The following CUX1 variants were observed in gnomAD, a reference collection of about 807,000 sequenced individuals.
CUX1 encodes the protein cut like homeobox 1, also known as protein CASP.
CUX1 carries 31 observed loss-of-function variants against 158.8 expected under a neutral mutation model. That is an observed-to-expected ratio of 0.20 (90% confidence interval 0.15 to 0.26). The LOEUF (loss-of-function observed/expected upper bound fraction) is 0.26. CUX1 is among the 10% of genes least tolerant of loss of function. CUX1 has a pLI of 1.00. For synonymous variants in CUX1, 879 were observed against 862.1 expected (o/e 1.02, Z -0.34); for missense variants, 1,589 against 2,014.6 (o/e 0.79, Z 4.04).
downstream of CUX1, among the ~76,000 whole-genome samples, chr7:102,258,933 T>G (rs1554542947): frequency 6.6e-6 from 1 of 152,024 alleles, no homozygotes; most frequent in Non-Finnish European, 1.5e-5. Flanking sequence ...TCTGCAGAGG[T>G]GGCTGTTAGG....
At position 102,121,843 on chromosome 7, in the gene CUX1, G is replaced by A. The variant is rs567087953; in HGVS notation, c.674+6570G>A. ...CCAGTGCTTTTTGCTTGAGACCACGGCGGTCTTCAAAGCCCCTTTCTGGTG... is the reference window on the plus strand; with the variant it reads ...CCAGTGCTTTTTGCTTGAGACCACGACGGTCTTCAAAGCCCCTTTCTGGTG... On this transcript the variant is annotated intron_variant, in intron 8 of 23. Transcript: ENST00000292535. Among the ~76,000 whole-genome samples the A allele has an allele frequency of 3.9e-3, 595 of 152,204 alleles. 2 individuals carry two copies. Among genetic ancestry groups the A allele is most frequent in the African/African-American group, 0.014 (573 of 41,518 alleles).
At chr7:102,274,428 C>T in intron 16 of CUX1, 1 of 820,150 alleles carries the variant, frequency 1.2e-6, no homozygotes, top group Non-Finnish European at 1.9e-6. Flanking sequence ...GTCAGGCCCC[C>T]ACGCCTGCAA....
chr7:102,204,980 C>T lies in CUX1; in HGVS notation c.3074-134C>T, dbSNP rs28399049. ...TGGCCTTGCAACAGCAGCGCCTCCC[C>T]GGCCCGTGGGTCCCCATGCCCGCCC... On this transcript the variant is annotated intron_variant, in intron 19 of 23. Transcript: ENST00000292535. 2.7e-3 allele frequency: 1,802 copies of T among 660,230 alleles called. 16 individuals are homozygous for T. The African/African-American group carries it at 0.029, about 11-fold the overall frequency. 40.9% of individuals were successfully genotyped at this position (660,230 alleles called of 1,614,324 possible). A position where few individuals can be genotyped will look rare whatever the true frequency, so the allele number is the denominator to read the frequency against.
At position 101,925,120 on chromosome 7, in the gene CUX1, T is replaced by G. The variant is rs148110010; in HGVS notation, c.141+8895T>G. 2.7e-3 allele frequency among the ~76,000 whole-genome samples: 408 copies of G among 152,248 alleles called. 5 individuals are homozygous for G. The highest frequency in any genetic ancestry group is 0.023 in the Admixed American group (358 of 15,280). ...AGCCCTGATGTGACACAATGGGGCC[T>G]TTTTTTGAGCTAGAATTCCACTCCG... is the stretch of plus-strand genomic sequence containing the variant. On this transcript the variant is annotated intron_variant, in intron 2 of 23. Coordinates refer to ENST00000292535, the MANE Select transcript of CUX1 (RefSeq NM_181552.4).
Position 101,941,208 on chromosome 7 carries a change from G to A in CUX1, c.141+24983G>A, listed in dbSNP as rs547865726. ...TGACAGGCTGCCTGGGGAACTCACT[G>A]GGAGGAGGGCGGGTTGGGGGAGACC... On this transcript the variant is annotated intron_variant, in intron 2 of 23. Transcript: ENST00000292535. 1.6e-4 allele frequency among the ~76,000 whole-genome samples: 24 copies of A among 152,276 alleles called. No homozygotes were observed. The South Asian group carries it at 4.6e-3, about 29-fold the overall frequency.
Position 102,280,115 on chromosome 7 carries a change from A to T in CUX1, c.1759A>T (p.Lys587Ter). The change falls in exon 19 of 23, where the codon AAG (lysine) becomes TAG (stop). Residue 587 changes from lysine to a stop codon, truncating the protein, a stop_gained. Coordinates refer to the CUX1 transcript ENST00000292538. LOFTEE classifies it high-confidence loss of function. ...CCTGGACCCCTTCTCCTCCTTCAGC[A>T]AGCGGGTTCGTGAGCCCAGCCTGGG... is the stretch of plus-strand genomic sequence containing the variant. 6.2e-7 allele frequency: 1 copy of T among 1,607,964 alleles called. No individual in the cohort carries two copies. The highest frequency in any genetic ancestry group is 8.5e-7 in the Non-Finnish European group (1 of 1,177,604).
At position 102,250,043 on chromosome 7, in the gene CUX1, CAAAAAAAAGAAAAAAAAAGAAAA is replaced by C. The variant is rs1801326829; in HGVS notation, c.*1015_*1037del. ...CACTCCATTCTAGGCCAAATCAGGACAAAAAAAAGAAAAAAAAAGAAAAAAAAAAAAGAAAAGATCCGAATCTA... is the reference window on the plus strand; with the variant it reads ...CACTCCATTCTAGGCCAAATCAGGACAAAAAAAAGAAAAGATCCGAATCTA... On this transcript the variant is annotated 3_prime_UTR_variant, in exon 24 of 24. Transcript: ENST00000292535. 5 of 895,762 alleles carry C rather than the reference CAAAAAAAAGAAAAAAAAAGAAAA, an allele frequency of 5.6e-6. No individual in the cohort carries two copies. The South Asian group carries it at 1.6e-4, about 29-fold the overall frequency. The allele number at this position is 895,762 out of a possible 1,614,324, so 55.5% of individuals were successfully genotyped here. A position where few individuals can be genotyped will look rare whatever the true frequency, so the allele number is the denominator to read the frequency against.
At chr7:101,818,992 C>T (rs1411864037) in intron 1 of CUX1, 1 of 152,234 alleles carries the variant, frequency 6.6e-6, no homozygotes, top group African/African-American at 2.4e-5. Flanking sequence ...GAGGTTGGGC[C>T]GTTCCGCAGT....
At chr7:102,119,955 C>G (rs1563270153) in intron 8 of CUX1, among the ~76,000 whole-genome samples, 1 of 152,206 alleles carries the variant, frequency 6.6e-6, no homozygotes, top group African/African-American at 2.4e-5. Flanking sequence ...ATAGCCTTAA[C>G]CTTGGAGACT....
chr7:101,878,725 T>C, intron 1 of CUX1, among the ~76,000 whole-genome samples: 1 of 152,076 alleles, frequency 6.6e-6, no homozygotes, highest in East Asian at 1.9e-4. Flanking sequence ...GAGGCTGAAG[T>C]GCAGTGGTAT....
chr7:102,217,488 T>C (rs1797351853), intron 20 of CUX1, among the ~76,000 whole-genome samples: 1 of 152,224 alleles, frequency 6.6e-6, no homozygotes, highest in Admixed American at 6.5e-5. Context: ...ATTTCTAAGA[T>C]CATTTCTCCC....
rs1789779490 is a variant in CUX1 at position 102,255,356 on chromosome 7, A to G, written c.*6314A>G. 3.1e-6 allele frequency: 3 copies of G among 982,422 alleles called. No individual in the cohort carries two copies. The highest frequency in any genetic ancestry group is 3.6e-6 in the Non-Finnish European group (3 of 829,558). The allele number at this position is 982,422 out of a possible 1,614,324, so 60.9% of individuals were successfully genotyped here. ...TAGTCTCCTCCAAAATGCTAACTTTAAAAGTTGGGCATTGTAGGCGAAAAA... is the reference window on the plus strand; with the variant it reads ...TAGTCTCCTCCAAAATGCTAACTTTGAAAGTTGGGCATTGTAGGCGAAAAA... On this transcript the variant is annotated 3_prime_UTR_variant, in exon 24 of 24. Coordinates refer to ENST00000292535, the MANE Select transcript of CUX1 (RefSeq NM_181552.4).
intron 21 of CUX1, among the ~76,000 whole-genome samples, chr7:102,227,942 CT>C (rs1183116945): frequency 6.4e-5 from 7 of 109,626 alleles, no homozygotes; most frequent in African/African-American, 2.3e-4. Context: ...CAGACTGTCT[CT>C]TTTTTTTCTT....
intron 2 of CUX1, among the ~76,000 whole-genome samples, chr7:101,954,947 G>A (rs1004595149): frequency 1.1e-4 from 17 of 152,120 alleles, no homozygotes; most frequent in Non-Finnish European, 2.9e-5. Context: ...CGAGGCAGGC[G>A]ATCACCTGAG....
rs182315715 is a variant in CUX1 at position 102,272,787 on chromosome 7, C to T, written c.1256-579C>T. On this transcript the variant is annotated intron_variant, in intron 14 of 22. Transcript: ENST00000292538. ...GACAGGGCTGTGGGTCGGGGGACTC[C>T]TTGGGGACCACGCCACCCCAACCAC... 1.3e-3 allele frequency among the ~76,000 whole-genome samples: 196 copies of T among 152,282 alleles called. 1 individual carries two copies. Among genetic ancestry groups the T allele is most frequent in the African/African-American group, 4.3e-3 (180 of 41,568 alleles).
intron 2 of CUX1, among the ~76,000 whole-genome samples, chr7:101,942,307 T>C (rs1807821317): frequency 6.6e-6 from 1 of 152,208 alleles, no homozygotes; most frequent in African/African-American, 2.4e-5. Context: ...TTTCACAGAA[T>C]AAGTGAAATG....
chr7:102,277,979 G>A (rs142767232), exon 18 of CUX1: 3 of 1,591,342 alleles, frequency 1.9e-6, no homozygotes, highest in African/African-American at 2.7e-5. Context: ...CACCCTCCAG[G>A]CCCTGCAGAG....
chr7:101,940,876 C>T (rs775614092), intron 2 of CUX1, among the ~76,000 whole-genome samples: 17 of 152,276 alleles, frequency 1.1e-4, no homozygotes, highest in Middle Eastern at 6.8e-3. Flanking sequence ...ATCAGTAGAC[C>T]ATCCTGTCAG....
chr7:102,199,992 T>A, intron 16 of CUX1, 79 bp from the exon 17 acceptor site: 11 of 1,251,378 alleles, frequency 8.8e-6, no homozygotes, highest in Non-Finnish European at 1.2e-5. Context: ...GGGCTATATA[T>A]CAGAATGACG....
Sources: allele counts gnomAD v4.1 joint callset (sites outside exome capture counted in the v4.1 genomes callset), GRCh38; gene constraint gnomAD v4.1.1; transcripts MANE v1.5; gene names NCBI Gene and HGNC (gene_info 2026-07-23, HGNC 2026-07-21).